Variants in PPM1H observed in about 807,000 individuals in gnomAD.
PPM1H encodes protein phosphatase, Mg2+/Mn2+ dependent 1H.
In PPM1H, 27 loss-of-function variants were observed where a neutral mutation model predicts 54.9. The observed-to-expected ratio is 0.49, with a 90% confidence interval of 0.36 to 0.68. PPM1H has a LOEUF of 0.68. Ranked by LOEUF, PPM1H falls within the 30% of genes least tolerant of loss-of-function variation. PPM1H has a pLI of 0.00. For missense variants in PPM1H, 596 were observed against 667.8 expected, an observed-to-expected ratio of 0.89 and a Z score of 1.19; for synonymous variants, 305 against 270.8, an observed-to-expected ratio of 1.13 and a Z score of -1.24.
At chr12:62,766,297 C>T (rs1374838541) in intron 4 of PPM1H, among the ~76,000 whole-genome samples, 3 of 152,080 alleles carry the variant, frequency 2.0e-5, no homozygotes, top group African/African-American at 7.2e-5. Context: ...ATTTGCAGGA[C>T]ATCTTATTTA....
chr12:62,800,494 G>A (rs1239426823), intron 3 of PPM1H, among the ~76,000 whole-genome samples: 2 of 151,990 alleles, frequency 1.3e-5, no homozygotes, highest in Non-Finnish European at 2.9e-5. Flanking sequence ...GTGCCACCAC[G>A]CCCGACTAAT....
chr12:62,813,803 T>G (rs1419797635), intron 2 of PPM1H, among the ~76,000 whole-genome samples: 1 of 152,196 alleles, frequency 6.6e-6, no homozygotes, highest in African/African-American at 2.4e-5. Flanking sequence ...AGATATTAGC[T>G]AATGATAGCA....
intron 3 of PPM1H, among the ~76,000 whole-genome samples, chr12:62,790,240 T>A (rs2076695099): frequency 6.6e-6 from 1 of 152,146 alleles, no homozygotes; most frequent in Non-Finnish European, 1.5e-5. Flanking sequence ...AATGGGAAAC[T>A]GGAAACAGAA....
chr12:62,693,290 T>A (rs927900128), intron 7 of PPM1H, among the ~76,000 whole-genome samples: 3 of 152,232 alleles, frequency 2.0e-5, no homozygotes, highest in African/African-American at 7.2e-5. Flanking sequence ...TGTTCAGTGC[T>A]GGATTCTGAC....
At chr12:62,670,368 G>A (rs1291859155) in intron 8 of PPM1H, among the ~76,000 whole-genome samples, 3 of 152,166 alleles carry the variant, frequency 2.0e-5, no homozygotes. Context: ...ATAAGAGGTG[G>A]TGAGATGTGG....
chr12:62,897,682 T>C (rs1445323451), intron 1 of PPM1H, among the ~76,000 whole-genome samples: 1 of 152,054 alleles, frequency 6.6e-6, no homozygotes, highest in Non-Finnish European at 1.5e-5. Flanking sequence ...GGCATGGCAA[T>C]CTACCTATGA....
rs115459731 is a variant in PPM1H, at chr12:62,882,410, G to C, written c.246-50131C>G. The stretch of plus-strand genomic sequence containing the variant: ...TTGCCCCAGGGCACTGACCTTTCGA[G>C]AACCCCAAAGCCAGATAACATGTAA... On this transcript the variant is annotated intron_variant, in intron 1 of 9. Coordinates refer to ENST00000228705, the MANE Select transcript of PPM1H (RefSeq NM_020700.2). Among the ~76,000 whole-genome samples, 311 of 152,362 alleles carry C rather than the reference G, an allele frequency of 2.0e-3. 1 individual carries two copies. Among genetic ancestry groups the C allele is most frequent in the African/African-American group, 7.4e-3 (306 of 41,582 alleles).
At chr12:62,848,695 A>C (rs142900817) in intron 1 of PPM1H, among the ~76,000 whole-genome samples, 151 of 152,282 alleles carry the variant, frequency 9.9e-4, no homozygotes, top group African/African-American at 3.6e-3. Context: ...TTCACCAAGC[A>C]CTGGAATTCC....
intron 9 of PPM1H, among the ~76,000 whole-genome samples, chr12:62,650,247 A>G (rs762062414): frequency 5.9e-5 from 9 of 152,256 alleles, no homozygotes; most frequent in Non-Finnish European, 1.3e-4. Flanking sequence ...AGCAGACAGA[A>G]GTGTAACATA....
At chr12:62,873,869 C>A (rs1432741529) in intron 1 of PPM1H, among the ~76,000 whole-genome samples, 1 of 152,122 alleles carries the variant, frequency 6.6e-6, no homozygotes, top group Non-Finnish European at 1.5e-5. Context: ...AAGAATGTAA[C>A]AAGGAGCCCT....
At chr12:62,838,336 T>TGGGG (rs1402157440) in intron 1 of PPM1H, among the ~76,000 whole-genome samples, 1 of 103,106 alleles carries the variant, frequency 9.7e-6, no homozygotes, top group Non-Finnish European at 1.9e-5. Flanking sequence ...TGTGTGTGTG[T>TGGGG]GTGGGGGGGG....
At chr12:62,918,926 G>T (rs184609669) in intron 1 of PPM1H, among the ~76,000 whole-genome samples, 2 of 152,304 alleles carry the variant, frequency 1.3e-5, no homozygotes, top group East Asian at 3.9e-4. Context: ...AGAATATATG[G>T]ATAGTTTATG....
At chr12:62,819,375 C>T (rs1164372446) in intron 2 of PPM1H, among the ~76,000 whole-genome samples, 1 of 152,114 alleles carries the variant, frequency 6.6e-6, no homozygotes, top group Non-Finnish European at 1.5e-5. Flanking sequence ...GATCCACCTG[C>T]CTCGGCCTCC....
chr12:62,806,940 A>G (rs1390441073), intron 2 of PPM1H, among the ~76,000 whole-genome samples: 1 of 152,250 alleles, frequency 6.6e-6, no homozygotes, highest in Non-Finnish European at 1.5e-5. Context: ...GCCAGCCTGC[A>G]GAGGGACAGG....
chr12:62,813,169 G>T (rs550068374), intron 2 of PPM1H, among the ~76,000 whole-genome samples: 5 of 152,272 alleles, frequency 3.3e-5, no homozygotes, highest in African/African-American at 1.2e-4. Flanking sequence ...ATACCCAGAT[G>T]TAGGAGAGGA....
rs572595629 is a variant in PPM1H at position 62,826,614 on chromosome 12, T to A, written c.411+5500A>T. The stretch of plus-strand genomic sequence containing the variant: ...ACTGTTTTCATTGTAAATTTCATGT[T>A]ATTTTATTAAAAATTTTAGGTTTTC... On this transcript the variant is annotated intron_variant, in intron 2 of 9. Transcript: ENST00000228705. 2.2e-4 allele frequency among the ~76,000 whole-genome samples: 34 copies of A among 152,378 alleles called. No homozygotes were observed. The East Asian group carries it at 6.5e-3, about 29-fold the overall frequency.
At chr12:62,868,782 T>C (rs1869874047) in intron 1 of PPM1H, among the ~76,000 whole-genome samples, 2 of 152,216 alleles carry the variant, frequency 1.3e-5, no homozygotes, top group South Asian at 4.1e-4. Flanking sequence ...GTGCGCACGA[T>C]GGTGCAAACA....
intron 1 of PPM1H, among the ~76,000 whole-genome samples, chr12:62,877,690 C>G (rs1870226789): frequency 6.6e-6 from 1 of 152,120 alleles, no homozygotes; most frequent in Non-Finnish European, 1.5e-5. Flanking sequence ...AATCTTAAAG[C>G]ATTCTGTTCC....
At chr12:62,651,159 C>T (rs942887086) in intron 9 of PPM1H, among the ~76,000 whole-genome samples, 2 of 152,142 alleles carry the variant, frequency 1.3e-5, no homozygotes, top group African/African-American at 4.8e-5. Flanking sequence ...ATATGCCTGA[C>T]AATAAAAGAT....
Sources: gnomAD v4.1 joint callset for allele counts (sites outside exome capture counted in the v4.1 genomes callset) on GRCh38, gnomAD v4.1.1 for gene constraint, MANE v1.5 for transcripts, NCBI Gene and HGNC (gene_info 2026-07-23, HGNC 2026-07-21) for gene names.